The following PRUNE2 variants were observed in gnomAD, a reference collection of about 807,000 sequenced individuals.
The protein encoded by PRUNE2 is prune homolog 2 with BCH domain.
In PRUNE2, 164 loss-of-function variants were observed where a neutral mutation model predicts 252.0. The observed-to-expected ratio is 0.65, with a 90% confidence interval of 0.57 to 0.74. The LOEUF (loss-of-function observed/expected upper bound fraction) is 0.74, where lower values mean the gene tolerates loss of function less well. Ranked by LOEUF, PRUNE2 falls within the 30% of genes least tolerant of loss-of-function variation. The probability of loss-of-function intolerance (pLI) is 0.00; values close to 1 mark genes in which losing one functional copy is unlikely to be tolerated. For missense variants in PRUNE2, 3,495 were observed against 3,711.0 expected (o/e 0.94, Z 1.51); for synonymous variants, 1,292 against 1,350.2 (o/e 0.96, Z 0.94).
Position 76,613,706 on chromosome 9 carries a change from A to G in PRUNE2, c.*864T>C, listed in dbSNP as rs1031249381. On this transcript the variant is annotated 3_prime_UTR_variant, in exon 19 of 19. Transcript: ENST00000376718. ...AGATTACGGTGTTTTAAAGCAGATC[A>G]CTTTTTATAATGCATGCGAGAGAGG... The G allele has an allele frequency of 6.6e-6, 1 of 152,216 alleles. No homozygotes were observed. Among genetic ancestry groups the G allele is most frequent in the Non-Finnish European group, 1.5e-5 (1 of 68,040 alleles). The allele number at this position is 152,216 out of a possible 1,614,324, so 9.4% of individuals were successfully genotyped here.
chr9:76,649,387 C>A lies in PRUNE2; in HGVS notation c.8557+3096G>T, dbSNP rs375683428. On this transcript the variant is annotated intron_variant, in intron 11 of 18. Coordinates refer to ENST00000376718, the MANE Select transcript of PRUNE2 (RefSeq NM_015225.3). Reference sequence around the variant, plus strand: ...CTATTAAAACAGTACAGGTTTGAGACCAGCCTGGGAAACGTGGCAAAACCT... The same window carrying A: ...CTATTAAAACAGTACAGGTTTGAGAACAGCCTGGGAAACGTGGCAAAACCT... Among the ~76,000 whole-genome samples the A allele has an allele frequency of 2.0e-5, 3 of 152,074 alleles. No homozygotes were observed. The East Asian group carries it at 5.8e-4, about 29-fold the overall frequency.
chr9:76,663,010 T>C (rs1456903682), intron 9 of PRUNE2, among the ~76,000 whole-genome samples: 1 of 152,228 alleles, frequency 6.6e-6, no homozygotes, highest in Admixed American at 6.5e-5. Flanking sequence ...GCCTATGGGC[T>C]GGAGGACTGC....
intron 6 of PRUNE2, among the ~76,000 whole-genome samples, chr9:76,713,926 G>T (rs558160080): frequency 6.6e-6 from 1 of 152,290 alleles, no homozygotes; most frequent in Non-Finnish European, 1.5e-5. Flanking sequence ...CCCAAACCAT[G>T]TAAGAAAGGA....
At chr9:76,802,606 G>A (rs1284155288) in intron 6 of PRUNE2, among the ~76,000 whole-genome samples, 1 of 152,054 alleles carries the variant, frequency 6.6e-6, no homozygotes, top group Admixed American at 6.5e-5. Context: ...GTACCATCTT[G>A]GTGCCTGACA....
Position 76,842,210 on chromosome 9 carries a change from G to A in PRUNE2, c.508+4305C>T, listed in dbSNP as rs184963696. On this transcript the variant is annotated intron_variant, in intron 4 of 18. Coordinates refer to ENST00000376718, the MANE Select transcript of PRUNE2 (RefSeq NM_015225.3). The stretch of plus-strand genomic sequence containing the variant: ...ACACATCTACAACCATCTGATTTTT[G>A]ACAAACCTGACAAAAACAAGCAATG... Among the ~76,000 whole-genome samples the A allele has an allele frequency of 3.1e-4, 47 of 152,190 alleles. No homozygotes were observed. The East Asian group carries it at 7.6e-3, about 24-fold the overall frequency.
At chr9:76,892,839 T>C (rs568228584) in intron 1 of PRUNE2, among the ~76,000 whole-genome samples, 2 of 152,354 alleles carry the variant, frequency 1.3e-5, no homozygotes, top group East Asian at 3.9e-4. Context: ...TTATTGCTTG[T>C]TTATTATTTT....
chr9:76,847,079 C>A (rs1283326619), intron 3 of PRUNE2, among the ~76,000 whole-genome samples: 1 of 152,140 alleles, frequency 6.6e-6, no homozygotes, highest in Admixed American at 6.5e-5. Flanking sequence ...GTAATCTCAG[C>A]ACTTTGGGAG....
At chr9:76,842,869 C>T (rs1392719569) in intron 4 of PRUNE2, among the ~76,000 whole-genome samples, 1 of 152,172 alleles carries the variant, frequency 6.6e-6, no homozygotes, top group Non-Finnish European at 1.5e-5. Context: ...CACTTTTACA[C>T]TGTTGGTGGG....
rs80290481 is a variant in PRUNE2, at chr9:76,644,756, C to A, written c.8711G>T (p.Arg2904Ile). The A allele has an allele frequency of 3.2e-3, 5,112 of 1,613,886 alleles. 23 individuals carry two copies. Among genetic ancestry groups the A allele is most frequent in the Non-Finnish European group, 3.2e-3 (3,788 of 1,179,826 alleles). ...TCGACTACCTCCGTGAGAAATGACT[C>A]TCCTGTAGGGCTCGATGACCTTCAT... ...IDMKVIEPYR[R>I]VISHGGYYGD... is the part of the protein sequence containing the mutation. Residue 2904 changes from arginine to isoleucine, a missense_variant, in exon 12 of 19, where the codon AGA becomes ATA. Physicochemically the swap from Arg to Ile is moderately conservative, Grantham distance 97 (BLOSUM62 -3). Coordinates refer to ENST00000376718, the MANE Select transcript of PRUNE2 (RefSeq NM_015225.3).
chr9:76,636,594 A>C (rs982175285), intron 14 of PRUNE2, 37 bp from the exon 15 acceptor site: 1 of 1,080,330 alleles, frequency 9.3e-7, no homozygotes, highest in Admixed American at 2.1e-5. Context: ...ATTACTCTTA[A>C]CCCATTTTCA....
intron 6 of PRUNE2, among the ~76,000 whole-genome samples, chr9:76,756,444 C>T (rs148724289): frequency 1.3e-5 from 2 of 152,340 alleles, no homozygotes; most frequent in Admixed American, 6.5e-5. Context: ...GGCCAGATGG[C>T]GCTGCTTCCC....
At chr9:76,880,767 GCTCA>G (rs1273985090) in intron 1 of PRUNE2, among the ~76,000 whole-genome samples, 1 of 152,102 alleles carries the variant, frequency 6.6e-6, no homozygotes. Flanking sequence ...ACTAGCTGCT[GCTCA>G]CTAAGATGTA....
intron 9 of PRUNE2, among the ~76,000 whole-genome samples, chr9:76,674,113 T>C (rs1026179906): frequency 3.3e-5 from 5 of 151,670 alleles, no homozygotes; most frequent in South Asian, 2.1e-4. Flanking sequence ...GGAAGTCAAA[T>C]TGTCCCTGTT....
intron 3 of PRUNE2, among the ~76,000 whole-genome samples, chr9:76,848,225 C>T (rs777376682): frequency 2.6e-5 from 4 of 152,176 alleles, no homozygotes; most frequent in Non-Finnish European, 5.9e-5. Context: ...GATCGTGCCA[C>T]TGCACTCCAG....
intron 4 of PRUNE2, among the ~76,000 whole-genome samples, chr9:76,843,725 CT>C (rs71501394): frequency 0.07 from 8,996 of 127,884 alleles, 207 homozygotes; most frequent in African/African-American, 0.11. Context: ...CTTGATTCCT[CT>C]TTTTTTTTTT....
At chr9:76,809,721 A>G (rs900656207) in intron 6 of PRUNE2, among the ~76,000 whole-genome samples, 3 of 152,176 alleles carry the variant, frequency 2.0e-5, no homozygotes, top group African/African-American at 7.2e-5. Context: ...AAAAATCCTG[A>G]TATGACCACT....
intron 16 of PRUNE2, 92 bp downstream of exon 16, chr9:76,629,100 C>G: frequency 1.4e-6 from 1 of 715,996 alleles, no homozygotes; most frequent in South Asian, 1.9e-5. Context: ...CACTCAGCCT[C>G]CCAAAGTGCT....
intron 1 of PRUNE2, among the ~76,000 whole-genome samples, chr9:76,876,195 T>C (rs1186688187): frequency 1.3e-5 from 2 of 152,270 alleles, no homozygotes; most frequent in East Asian, 3.9e-4. Flanking sequence ...TTTAAGTAGA[T>C]AGATGGAAAT....
chr9:76,615,125 G>T (rs971698305), intron 18 of PRUNE2: 191 of 985,508 alleles, frequency 1.9e-4, no homozygotes, highest in Non-Finnish European at 2.3e-4. Context: ...TATAACTAAA[G>T]AAAAGCTTGT....
Sources: gnomAD v4.1 joint callset for allele counts (sites outside exome capture counted in the v4.1 genomes callset) on GRCh38, gnomAD v4.1.1 for gene constraint, MANE v1.5 for transcripts, NCBI Gene and HGNC (gene_info 2026-07-23, HGNC 2026-07-21) for gene names.